The following HLF variants were observed in gnomAD, a reference collection of about 807,000 sequenced individuals.
HLF encodes the protein HLF transcription factor, PAR bZIP family member.
In HLF, 3 loss-of-function variants were observed where a neutral mutation model predicts 22.6. The ratio of observed to expected loss-of-function variants is 0.13; its 90% CI spans 0.06 to 0.34. The LOEUF (loss-of-function observed/expected upper bound fraction) is 0.34. Among genes scored for constraint, HLF ranks in the 10% least tolerant of loss-of-function variants. The pLI is 1.00. For missense variants in HLF, 299 were observed against 389.2 expected (o/e 0.77, Z 1.95); for synonymous variants, 151 against 151.8 (o/e 0.99, Z 0.04).
chr17:55,299,251 C>T (rs142153886), intron 2 of HLF, among the ~76,000 whole-genome samples: 48 of 152,332 alleles, frequency 3.2e-4, no homozygotes, highest in African/African-American at 1.2e-3. Context: ...CTTTAGCATA[C>T]ACTTCCAGGC....
In HLF at chr17:55,265,008, G is replaced by T. The variant is rs987754111; in HGVS notation, c.-477G>T. 1.2e-5 allele frequency: 2 copies of T among 161,456 alleles called. No homozygotes were observed. The highest frequency in any genetic ancestry group is 4.9e-5 in the African/African-American group (2 of 40,520). 10.0% of individuals were successfully genotyped at this position (161,456 alleles called of 1,614,324 possible). A position where few individuals can be genotyped will look rare whatever the true frequency, so the allele number is the denominator to read the frequency against. On this transcript the variant is annotated 5_prime_UTR_variant, in exon 1 of 4. Transcript: ENST00000226067. Reference sequence around the variant, plus strand: ...TGGGCGGCCGGATGCGCTGAGCCCGGCGCTGCGGGGCCGCGGAGCGCTGGG... The same window carrying T: ...TGGGCGGCCGGATGCGCTGAGCCCGTCGCTGCGGGGCCGCGGAGCGCTGGG...
Position 55,315,335 on chromosome 17 carries a change from T to C in HLF, c.560T>C (p.Ile187Thr). Residue 187 changes from isoleucine to threonine, a missense_variant, in exon 3 of 4, where the codon ATC becomes ACC. Coordinates refer to ENST00000226067, the MANE Select transcript of HLF (RefSeq NM_002126.5). ...PDPADLALSS[I>T]PGQEMFDPRK... ...CCAGCAGATCTTGCCCTTTCCAGCA[T>C]CCCTGGCCAGGAAATGTTTGACCCT... The C allele has an allele frequency of 6.2e-7, 1 of 1,614,138 alleles. No homozygotes were observed. The highest frequency in any genetic ancestry group is 8.5e-7 in the Non-Finnish European group (1 of 1,179,998).
In HLF at chr17:55,311,248, A is replaced by G. The variant is rs1171591353; in HGVS notation, c.452-3979A>G. ...AGTAACAAGGGAAATGGAAATTATA[A>G]CAATAGTAAGACCAGCCTGGCCAAC... On this transcript the variant is annotated intron_variant, in intron 2 of 3. Transcript: ENST00000226067. 2.0e-5 allele frequency among the ~76,000 whole-genome samples: 3 copies of G among 152,214 alleles called. No individual in the cohort carries two copies. In the East Asian group the frequency reaches 5.8e-4, roughly 29 times the overall value.
intron 2 of HLF, among the ~76,000 whole-genome samples, chr17:55,287,382 A>G (rs929158528): frequency 7.1e-6 from 1 of 141,836 alleles, no homozygotes; most frequent in Admixed American, 6.9e-5. Flanking sequence ...TCAGTTCTGC[A>G]TTACTCATGT....
chr17:55,275,203 C>G (rs908184869), intron 2 of HLF, among the ~76,000 whole-genome samples: 1 of 152,172 alleles, frequency 6.6e-6, no homozygotes, highest in South Asian at 2.1e-4. Flanking sequence ...TCAATAGATC[C>G]TCCCACCTCA....
chr17:55,301,416 G>C (rs2081156419), intron 2 of HLF, among the ~76,000 whole-genome samples: 1 of 152,258 alleles, frequency 6.6e-6, no homozygotes, highest in Non-Finnish European at 1.5e-5. Context: ...CCTTTGCCTG[G>C]AAAGATTTGC....
At chr17:55,309,510 G>A (rs894318908) in intron 2 of HLF, among the ~76,000 whole-genome samples, 5 of 152,148 alleles carry the variant, frequency 3.3e-5, no homozygotes, top group Admixed American at 6.5e-5. Flanking sequence ...TTATGGCTAC[G>A]TGGGATCCAG....
Position 55,323,719 on chromosome 17 carries a change from A to T in HLF, c.*2840A>T, listed in dbSNP as rs1205563322. 1 of 230,066 alleles carries T rather than the reference A, an allele frequency of 4.3e-6. No individual in the cohort carries two copies. Among genetic ancestry groups the T allele is most frequent in the African/African-American group, 2.2e-5 (1 of 45,186 alleles). The allele number at this position is 230,066 out of a possible 1,614,324, so 14.3% of individuals were successfully genotyped here. A position where few individuals can be genotyped will look rare whatever the true frequency, so the allele number is the denominator to read the frequency against. On this transcript the variant is annotated 3_prime_UTR_variant, in exon 4 of 4. Coordinates refer to ENST00000226067, the MANE Select transcript of HLF (RefSeq NM_002126.5). Reference sequence around the variant, plus strand: ...CTAGCAAACAAGGCAGATCTGCTTCATGGAGCGGGAGGCCATGGCTTGACT... The same window carrying T: ...CTAGCAAACAAGGCAGATCTGCTTCTTGGAGCGGGAGGCCATGGCTTGACT...
intron 2 of HLF, chr17:55,271,685 A>G (rs1439764688): frequency 1.3e-5 from 2 of 152,098 alleles, no homozygotes; most frequent in Non-Finnish European, 2.9e-5. Context: ...ATTCACCACC[A>G]TGCCCGGCTA....
Position 55,323,807 on chromosome 17 carries a change from C to G in HLF, c.*2928C>G, listed in dbSNP as rs1905353934. 1 of 230,418 alleles carries G rather than the reference C, an allele frequency of 4.3e-6. No individual in the cohort carries two copies. The highest frequency in any genetic ancestry group is 8.6e-6 in the Non-Finnish European group (1 of 116,154). 14.3% of individuals were successfully genotyped at this position (230,418 alleles called of 1,614,324 possible). On this transcript the variant is annotated 3_prime_UTR_variant, in exon 4 of 4. Coordinates refer to ENST00000226067, the MANE Select transcript of HLF (RefSeq NM_002126.5). Reference sequence around the variant, plus strand: ...TGCACGCTGCAGCTATTATGAGAGTCCCTTTGTCATTTTTCACCTTTTCAT... The same window carrying G: ...TGCACGCTGCAGCTATTATGAGAGTGCCTTTGTCATTTTTCACCTTTTCAT...
At chr17:55,304,071 G>C (rs1156728447) in intron 2 of HLF, among the ~76,000 whole-genome samples, 1 of 152,072 alleles carries the variant, frequency 6.6e-6, no homozygotes, top group Non-Finnish European at 1.5e-5. Context: ...TCCCATTCGT[G>C]ACCATCCCTA....
chr17:55,280,670 G>A lies in HLF; in HGVS notation c.451+12584G>A, dbSNP rs914297173. 2.6e-5 allele frequency among the ~76,000 whole-genome samples: 4 copies of A among 152,078 alleles called. No individual in the cohort carries two copies. The South Asian group carries it at 8.3e-4, about 32-fold the overall frequency. ...GGCTGTCCTCTAGTTGTTGTTGATG[G>A]GCTCTTGAGTGATGTGGAGGCAGGA... On this transcript the variant is annotated intron_variant, in intron 2 of 3. Transcript: ENST00000226067.
Position 55,308,117 on chromosome 17 carries a change from C to T in HLF, c.452-7110C>T, listed in dbSNP as rs191820546. On this transcript the variant is annotated intron_variant, in intron 2 of 3. Coordinates refer to ENST00000226067, the MANE Select transcript of HLF (RefSeq NM_002126.5). ...TCTGATCATATGTGGCAATGGGAAGCCTTGGGAGGGTTTGATATGGAGATG... is the reference window on the plus strand; with the variant it reads ...TCTGATCATATGTGGCAATGGGAAGTCTTGGGAGGGTTTGATATGGAGATG... 1.8e-3 allele frequency among the ~76,000 whole-genome samples: 280 copies of T among 152,184 alleles called. 2 individuals carry two copies. Among genetic ancestry groups the T allele is most frequent in the Middle Eastern group, 0.014 (4 of 294 alleles).
intron 1 of HLF, 190 bp from the exon 2 acceptor site, chr17:55,267,561 T>A: frequency 1.9e-6 from 1 of 534,104 alleles, no homozygotes; most frequent in Middle Eastern, 4.9e-4. Flanking sequence ...TAGGAAGATG[T>A]TGAAAAACAG....
intron 3 of HLF, among the ~76,000 whole-genome samples, chr17:55,318,223 T>TC (rs1332857172): frequency 6.6e-6 from 1 of 151,956 alleles, no homozygotes; most frequent in Non-Finnish European, 1.5e-5. Flanking sequence ...AAATCCCGCT[T>TC]CCCCCCTGCC....
chr17:55,270,778 A>G (rs997962408), intron 2 of HLF, among the ~76,000 whole-genome samples: 2 of 148,686 alleles, frequency 1.3e-5, no homozygotes, highest in Non-Finnish European at 3.0e-5. Flanking sequence ...CTCCTGTCTC[A>G]GCCTCCCGTG....
intron 2 of HLF, among the ~76,000 whole-genome samples, chr17:55,297,738 CTTTTTTTT>C (rs34900287): frequency 6.4e-5 from 4 of 62,890 alleles, no homozygotes; most frequent in South Asian, 1.7e-3. Flanking sequence ...AACAGCATTT[CTTTTTTTT>C]TTTTTTTTTT....
At chr17:55,292,597 T>C (rs2081074122) in intron 2 of HLF, among the ~76,000 whole-genome samples, 1 of 152,228 alleles carries the variant, frequency 6.6e-6, no homozygotes, top group Non-Finnish European at 1.5e-5. Flanking sequence ...TTAGCTTTAT[T>C]GCAGTGGTCT....
chr17:55,311,631 A>ATT (rs1784998585), intron 2 of HLF, among the ~76,000 whole-genome samples: 1 of 152,192 alleles, frequency 6.6e-6, no homozygotes, highest in Non-Finnish European at 1.5e-5. Flanking sequence ...TAGCTATGAC[A>ATT]TTTTTTGGAG....
Sources: gnomAD v4.1 joint callset for allele counts (sites outside exome capture counted in the v4.1 genomes callset) on GRCh38, gnomAD v4.1.1 for gene constraint, MANE v1.5 for transcripts, NCBI Gene and HGNC (gene_info 2026-07-23, HGNC 2026-07-21) for gene names.